NDUFAF6: variants seen among roughly 807,000 people sequenced by gnomAD.
NDUFAF6 encodes NADH:ubiquinone oxidoreductase complex assembly factor 6, also known as NADH dehydrogenase (ubiquinone) complex I, assembly factor 6.
In NDUFAF6, 45 loss-of-function variants were observed where a neutral mutation model predicts 40.8. That is an observed-to-expected ratio of 1.10 (90% CI 0.87 to 1.42). The LOEUF is 1.42. Among genes scored for constraint, NDUFAF6 ranks in the 40% most tolerant of loss-of-function variants. The probability of loss-of-function intolerance (pLI) is 0.00; values close to 1 mark genes in which losing one functional copy is unlikely to be tolerated. For missense variants in NDUFAF6, 435 were observed against 418.5 expected (o/e 1.04, Z -0.34); for synonymous variants, 185 against 155.9 (o/e 1.19, Z -1.39).
chr8:95,094,321 TG>T (rs1809365841), intron 2 of NDUFAF6, among the ~76,000 whole-genome samples: 1 of 151,230 alleles, frequency 6.6e-6, no homozygotes. Context: ...CTTTGGCCAC[TG>T]TGCCCAACTA....
At chr8:95,031,661 G>T (rs560946518) in intron 1 of NDUFAF6, among the ~76,000 whole-genome samples, 5 of 152,184 alleles carry the variant, frequency 3.3e-5, no homozygotes, top group Middle Eastern at 3.4e-3. Context: ...GTGCAGTGGC[G>T]CAATCTGGGC....
intron 2 of NDUFAF6, among the ~76,000 whole-genome samples, chr8:94,999,478 G>A (rs1439015129): frequency 6.7e-6 from 1 of 149,954 alleles, no homozygotes; most frequent in Non-Finnish European, 1.5e-5. Flanking sequence ...GTGCAGTGGT[G>A]CAATCTTGGC....
intron 1 of NDUFAF6, among the ~76,000 whole-genome samples, chr8:94,944,712 G>A (rs1821839415): frequency 2.6e-5 from 4 of 152,188 alleles, no homozygotes; most frequent in African/African-American, 9.7e-5. Flanking sequence ...GGAGTTCCTG[G>A]GGAGGGTTAA....
At chr8:94,974,409 T>G (rs13248607) in intron 1 of NDUFAF6, among the ~76,000 whole-genome samples, 70,682 of 151,952 alleles carry the variant, frequency 0.47, 17,410 homozygotes, top group East Asian at 0.72. Context: ...CCAGCAAGAC[T>G]GGGCCCAGGA....
intron 2 of NDUFAF6, among the ~76,000 whole-genome samples, chr8:94,992,230 G>A (rs1182371909): frequency 6.6e-6 from 1 of 152,176 alleles, no homozygotes; most frequent in Non-Finnish European, 1.5e-5. Flanking sequence ...GCTCACACCT[G>A]TAATCCCAGC....
At chr8:94,985,014 G>C (rs1313268726) in intron 2 of NDUFAF6, among the ~76,000 whole-genome samples, 3 of 152,064 alleles carry the variant, frequency 2.0e-5, no homozygotes, top group African/African-American at 7.2e-5. Flanking sequence ...CTTCCTCTCT[G>C]AAGGCTAGAA....
chr8:95,055,126 G>C (rs1193651144), intron 8 of NDUFAF6: 1 of 152,032 alleles, frequency 6.6e-6, no homozygotes, highest in African/African-American at 2.4e-5. Flanking sequence ...TATTTTAATG[G>C]AATTTTCTCC....
chr8:94,959,337 A>G (rs1219963247), intron 1 of NDUFAF6, among the ~76,000 whole-genome samples: 1 of 152,192 alleles, frequency 6.6e-6, no homozygotes, highest in Non-Finnish European at 1.5e-5. Flanking sequence ...CTGGCTACCT[A>G]CATACTAGGT....
downstream of NDUFAF6, among the ~76,000 whole-genome samples, chr8:95,103,931 G>T (rs1237949989): frequency 6.6e-6 from 1 of 152,170 alleles, no homozygotes; most frequent in African/African-American, 2.4e-5. Context: ...CTACCCACTT[G>T]GGGGAGATCA....
At chr8:95,019,066 G>A (rs1453919472) in intron 2 of NDUFAF6, among the ~76,000 whole-genome samples, 2 of 152,110 alleles carry the variant, frequency 1.3e-5, no homozygotes, top group African/African-American at 2.4e-5. Context: ...GCTGGAGTGC[G>A]ATGGCATGAT....
chr8:95,069,202 GT>G (rs1490325381), intron 9 of NDUFAF6: 1 of 151,900 alleles, frequency 6.6e-6, no homozygotes, highest in Non-Finnish European at 1.5e-5. Context: ...CATGAACAAG[GT>G]AAACAAGGTG....
chr8:94,982,063 A>G (rs1283630313), intron 2 of NDUFAF6, among the ~76,000 whole-genome samples: 1 of 152,038 alleles, frequency 6.6e-6, no homozygotes, highest in Non-Finnish European at 1.5e-5. Context: ...CCACATCTCT[A>G]CTAAAATACA....
chr8:94,929,154 T>C (rs2131303503), intron 1 of NDUFAF6: 1 of 152,728 alleles, frequency 6.5e-6, no homozygotes, highest in South Asian at 2.1e-4. Flanking sequence ...AGAACAGCTG[T>C]GGCAGAGAAA....
intron 8 of NDUFAF6, among the ~76,000 whole-genome samples, chr8:95,053,036 G>T (rs919291564): frequency 5.3e-5 from 8 of 152,088 alleles, no homozygotes; most frequent in African/African-American, 1.7e-4. Context: ...TTTGAAAATT[G>T]TAAACTTACA....
intron 3 of NDUFAF6, 152 bp from the exon 4 acceptor site, chr8:95,041,418 C>T: frequency 3.4e-6 from 2 of 583,756 alleles, no homozygotes. Context: ...TTTTCTTTTT[C>T]CCTGATACTT....
At chr8:95,011,166 G>A (rs1301921253) in intron 2 of NDUFAF6, among the ~76,000 whole-genome samples, 1 of 152,198 alleles carries the variant, frequency 6.6e-6, no homozygotes, top group Non-Finnish European at 1.5e-5. Flanking sequence ...GGGAGCATCA[G>A]AGAAGCACCA....
chr8:95,031,936 A>AT (rs1165194063), intron 1 of NDUFAF6, 59 bp from the exon 2 acceptor site: 83 of 1,512,762 alleles, frequency 5.5e-5, no homozygotes, highest in Middle Eastern at 1.7e-4. Flanking sequence ...TTTAGTCAGT[A>AT]TTTTTTTGTG....
chr8:94,938,764 C>G (rs1821235683), intron 1 of NDUFAF6, among the ~76,000 whole-genome samples: 1 of 152,166 alleles, frequency 6.6e-6, no homozygotes, highest in Non-Finnish European at 1.5e-5. Flanking sequence ...TCATCTGTAT[C>G]CTTTTTAATA....
At chr8:95,107,917 A>G (rs1421920902), downstream of NDUFAF6, among the ~76,000 whole-genome samples, 1 of 152,202 alleles carries the variant, frequency 6.6e-6, no homozygotes, top group Non-Finnish European at 1.5e-5. Context: ...ATGCCCTCCT[A>G]GTATTCAACT....
Sources: allele counts gnomAD v4.1 joint callset (sites outside exome capture counted in the v4.1 genomes callset), GRCh38; gene constraint gnomAD v4.1.1; transcripts MANE v1.5; gene names NCBI Gene and HGNC (gene_info 2026-07-23, HGNC 2026-07-21).